OSBPL3: variants seen among roughly 807,000 people sequenced by gnomAD.
OSBPL3 encodes oxysterol binding protein like 3.
Under a neutral mutation model 120.1 loss-of-function variants are expected in OSBPL3, and 65 were observed. The ratio of observed to expected loss-of-function variants is 0.54; its 90% CI spans 0.44 to 0.67. The LOEUF (loss-of-function observed/expected upper bound fraction) is 0.67. Ranked by LOEUF, OSBPL3 falls within the 30% of genes least tolerant of loss-of-function variation. OSBPL3 has a pLI of 0.00. For missense variants in OSBPL3, 1,004 were observed against 1,082.1 expected (o/e 0.93, Z 1.01); for synonymous variants, 416 against 402.6 (o/e 1.03, Z -0.40).
In OSBPL3 at chr7:24,831,177, T is replaced by C. The variant is rs536773140; in HGVS notation, c.1747-272A>G. 3.9e-5 allele frequency among the ~76,000 whole-genome samples: 6 copies of C among 152,310 alleles called. No homozygotes were observed. In the South Asian group the frequency reaches 8.3e-4, roughly 21 times the overall value. ...TATAAAGACGATGACATTTCTAAACTGGACTACACTGTTTCTGGAAACTGT... is the reference window on the plus strand; with the variant it reads ...TATAAAGACGATGACATTTCTAAACCGGACTACACTGTTTCTGGAAACTGT... On this transcript the variant is annotated intron_variant, in intron 15 of 22. Transcript: ENST00000313367. The surrounding 1 kb of genome is among the most constrained non-coding windows in gnomAD (Gnocchi z 4.0).
In OSBPL3 at chr7:24,831,006, A is replaced by T; in HGVS notation, c.1747-101T>A. The T allele has an allele frequency of 8.4e-7, 1 of 1,187,792 alleles. No homozygotes were observed. The highest frequency in any genetic ancestry group is 1.1e-6 in the Non-Finnish European group (1 of 882,280). The allele number at this position is 1,187,792 out of a possible 1,614,324, so 73.6% of individuals were successfully genotyped here. A position where few individuals can be genotyped will look rare whatever the true frequency, so the allele number is the denominator to read the frequency against. ...TAAAACCTCTATGATTTTCTTTCAG[A>T]AAGCCAAAGATTTGTCTTTGGTTGT... On this transcript the variant is annotated intron_variant, in intron 15 of 22. Coordinates refer to ENST00000313367, the MANE Select transcript of OSBPL3 (RefSeq NM_015550.4). This position sits in a 1 kb window ranked among gnomAD's most constrained non-coding sequence, Gnocchi z 4.0.
rs185529121 is a variant in OSBPL3, at chr7:24,899,100, A to G, written c.-149-6479T>C. 1.3e-5 allele frequency among the ~76,000 whole-genome samples: 2 copies of G among 152,264 alleles called. No homozygotes were observed. Among genetic ancestry groups the G allele is most frequent in the African/African-American group, 4.8e-5 (2 of 41,554 alleles). On this transcript the variant is annotated intron_variant, in intron 1 of 22. Transcript: ENST00000313367. This position sits in a 1 kb window ranked among gnomAD's most constrained non-coding sequence, Gnocchi z 4.0. ...TTTCTTCTCCAGACTAAACAGCCGC[A>G]TTGTCATCATCATCCATTTCTTATG...
chr7:24,908,596 C>T (rs1052167131), intron 1 of OSBPL3, among the ~76,000 whole-genome samples: 33 of 152,190 alleles, frequency 2.2e-4, no homozygotes, highest in African/African-American at 6.5e-4. Context: ...ACGAGAACCA[C>T]GCTAACCGTG....
At chr7:24,829,470 T>C (rs1448061285) in intron 16 of OSBPL3, among the ~76,000 whole-genome samples, 1 of 152,212 alleles carries the variant, frequency 6.6e-6, no homozygotes, top group East Asian at 1.9e-4. Flanking sequence ...AGATAAGCAC[T>C]ATCATCATAA....
chr7:24,931,845 C>G (rs898484811), intron 1 of OSBPL3, among the ~76,000 whole-genome samples: 1 of 152,124 alleles, frequency 6.6e-6, no homozygotes, highest in Non-Finnish European at 1.5e-5. Flanking sequence ...CAAACACTTG[C>G]ATCAACAAGA....
intron 5 of OSBPL3, among the ~76,000 whole-genome samples, chr7:24,868,700 G>A (rs954901860): frequency 1.3e-5 from 2 of 152,168 alleles, no homozygotes; most frequent in African/African-American, 2.4e-5. Flanking sequence ...ACAGGAAGAA[G>A]CAATACAAAC....
rs977075449 is a variant in OSBPL3, at chr7:24,972,523, C to T, written c.-150+7363G>A. On this transcript the variant is annotated intron_variant, in intron 1 of 22. Coordinates refer to ENST00000313367, the MANE Select transcript of OSBPL3 (RefSeq NM_015550.4). This position sits in a 1 kb window ranked among gnomAD's most constrained non-coding sequence, Gnocchi z 4.3. ...TCTATATCCCCTTCTAGTCTGTAAG[C>T]TCCTTGAAGGGAGGTTCCACATCTG... is the stretch of plus-strand genomic sequence containing the variant. Among the ~76,000 whole-genome samples the T allele has an allele frequency of 6.6e-6, 1 of 152,226 alleles. No individual in the cohort carries two copies. The highest frequency in any genetic ancestry group is 1.9e-4 in the East Asian group (1 of 5,200).
chr7:24,807,178 T>C (rs1347982971), intron 20 of OSBPL3, among the ~76,000 whole-genome samples: 1 of 152,220 alleles, frequency 6.6e-6, no homozygotes, highest in African/African-American at 2.4e-5. Flanking sequence ...GCTTAAGCTA[T>C]GAAAATAATT....
intron 1 of OSBPL3, among the ~76,000 whole-genome samples, chr7:24,910,276 T>A (rs1220631085): frequency 6.6e-6 from 1 of 152,168 alleles, no homozygotes; most frequent in Non-Finnish European, 1.5e-5. Flanking sequence ...CAAGAGTCAC[T>A]ACAGATCAGG....
rs1792724848 is a variant in OSBPL3 at position 24,804,147 on chromosome 7, G to T, written c.2567+168C>A. On this transcript the variant is annotated intron_variant, in intron 22 of 22. Transcript: ENST00000313367. This position sits in a 1 kb window ranked among gnomAD's most constrained non-coding sequence, Gnocchi z 5.4. ...AGCAAGAGGGAGAGCCTGAAGGTAAGTGCGGGGGACAGGGCCTGGCACAGA... is the reference window on the plus strand; with the variant it reads ...AGCAAGAGGGAGAGCCTGAAGGTAATTGCGGGGGACAGGGCCTGGCACAGA... Among the ~76,000 whole-genome samples the T allele has an allele frequency of 6.6e-6, 1 of 152,180 alleles. No individual in the cohort carries two copies.
Position 24,968,548 on chromosome 7 carries a change from C to T in OSBPL3, c.-150+11338G>A, listed in dbSNP as rs1816645832. 6.6e-6 allele frequency among the ~76,000 whole-genome samples: 1 copy of T among 152,194 alleles called. No homozygotes were observed. The highest frequency in any genetic ancestry group is 2.4e-5 in the African/African-American group (1 of 41,428). ...CGTAGCCGGGATTACAGGCACACAC[C>T]ACCACGCCCAGCTAATTTTTTTATT... On this transcript the variant is annotated intron_variant, in intron 1 of 22. Coordinates refer to ENST00000313367, the MANE Select transcript of OSBPL3 (RefSeq NM_015550.4). The surrounding 1 kb of genome is among the most constrained non-coding windows in gnomAD (Gnocchi z 4.6).
Position 24,877,084 on chromosome 7 carries a change from C to T in OSBPL3, c.97-5015G>A, listed in dbSNP as rs1168742711. 1.3e-5 allele frequency among the ~76,000 whole-genome samples: 2 copies of T among 152,146 alleles called. No individual in the cohort carries two copies. The highest frequency in any genetic ancestry group is 1.9e-4 in the East Asian group (1 of 5,204). ...TCCCTGATGTTACAAAACCAAGTGA[C>T]GAAGCCACCTGACTGCAGAACTTAC... On this transcript the variant is annotated intron_variant, in intron 2 of 22. Coordinates refer to ENST00000313367, the MANE Select transcript of OSBPL3 (RefSeq NM_015550.4). This position sits in a 1 kb window ranked among gnomAD's most constrained non-coding sequence, Gnocchi z 4.8.
At chr7:24,895,355 G>T (rs1358763537) in intron 1 of OSBPL3, among the ~76,000 whole-genome samples, 1 of 152,176 alleles carries the variant, frequency 6.6e-6, no homozygotes, top group East Asian at 1.9e-4. Context: ...ACAGTATCAT[G>T]CTGTACAGGT....
At chr7:24,842,688 T>C (rs1797934692) in intron 12 of OSBPL3, among the ~76,000 whole-genome samples, 1 of 152,210 alleles carries the variant, frequency 6.6e-6, no homozygotes, top group South Asian at 2.1e-4. Flanking sequence ...CTTTGTTCCA[T>C]TTAAAAGGGG....
chr7:24,971,832 T>C (rs537108862), intron 1 of OSBPL3, among the ~76,000 whole-genome samples: 86 of 152,324 alleles, frequency 5.6e-4, no homozygotes, highest in Non-Finnish European at 7.2e-4. Flanking sequence ...GTTATCACTG[T>C]TATTCATAAT....
chr7:24,858,355 G>C (rs1372412531), intron 10 of OSBPL3, among the ~76,000 whole-genome samples: 2 of 152,176 alleles, frequency 1.3e-5, no homozygotes, highest in Non-Finnish European at 2.9e-5. Flanking sequence ...ACAAAACGAG[G>C]TTTACACAGG....
chr7:24,823,292 T>G (rs774171466), intron 16 of OSBPL3, among the ~76,000 whole-genome samples: 1 of 151,940 alleles, frequency 6.6e-6, no homozygotes, highest in African/African-American at 2.4e-5. Flanking sequence ...TGATGTGGAT[T>G]AGGCAGAGAC....
Position 24,872,489 on chromosome 7 carries a change from T to TGTGTGTGGG in OSBPL3, c.97-421_97-420insCCCACACAC. ...TGTGTGTGTGTGTGTGTGTGTGTGG[T>TGTGTGTGGG]GTTGGGGGAAGGAAGTTGGTTTAAG... On this transcript the variant is annotated intron_variant, in intron 2 of 22. Transcript: ENST00000313367. The surrounding 1 kb of genome is among the most constrained non-coding windows in gnomAD (Gnocchi z 4.1). 1.1e-5 allele frequency among the ~76,000 whole-genome samples: 1 copy of TGTGTGTGGG among 88,924 alleles called. No individual in the cohort carries two copies. The highest frequency in any genetic ancestry group is 3.2e-4 in the South Asian group (1 of 3,078). 58.3% of individuals were successfully genotyped at this position (88,924 alleles called of 152,430 possible). A position where few individuals can be genotyped will look rare whatever the true frequency, so the allele number is the denominator to read the frequency against.
rs1808912513 is a variant in OSBPL3, at chr7:24,912,151, T to G, written c.-149-19530A>C. Among the ~76,000 whole-genome samples the G allele has an allele frequency of 6.6e-6, 1 of 152,400 alleles. No homozygotes were observed. On this transcript the variant is annotated intron_variant, in intron 1 of 22. Transcript: ENST00000313367. The surrounding 1 kb of genome is among the most constrained non-coding windows in gnomAD (Gnocchi z 4.5). ...CTACTAGAAGGTTTTTACTAAATTTTATCTCCGAAGTAAGAAAATATTCTC... is the reference window on the plus strand; with the variant it reads ...CTACTAGAAGGTTTTTACTAAATTTGATCTCCGAAGTAAGAAAATATTCTC...
Sources: gnomAD v4.1 joint callset for allele counts (sites outside exome capture counted in the v4.1 genomes callset) on GRCh38, gnomAD v4.1.1 for gene constraint, Gnocchi (gnomAD v3.1) non-coding constraint, MANE v1.5 for transcripts, NCBI Gene and HGNC (gene_info 2026-07-23, HGNC 2026-07-21) for gene names.